UGT2A3: variants seen among roughly 807,000 people sequenced by gnomAD.
UGT2A3 encodes UDP glucuronosyltransferase family 2 member A3.
A neutral mutation model predicts 44.1 loss-of-function variants in UGT2A3; 55 were observed. The ratio of observed to expected loss-of-function variants is 1.25; its 90% confidence interval spans 1.00 to 1.56. The LOEUF (loss-of-function observed/expected upper bound fraction) is 1.56. Among genes scored for constraint, UGT2A3 ranks in the 40% most tolerant of loss-of-function variants. UGT2A3 has a pLI of 0.00. For missense variants in UGT2A3, 733 were observed against 621.6 expected (o/e 1.18, Z -1.91); for synonymous variants, 243 against 215.1 (o/e 1.13, Z -1.13).
At chr4:68,935,321 T>C (rs947852752) in intron 2 of UGT2A3, among the ~76,000 whole-genome samples, 21 of 130,110 alleles carry the variant, frequency 1.6e-4, no homozygotes, top group African/African-American at 5.6e-4. Context: ...TATATATGCA[T>C]AATATATTTG....
chr4:68,940,611 C>T (rs1277544504), intron 2 of UGT2A3, among the ~76,000 whole-genome samples: 1 of 151,466 alleles, frequency 6.6e-6, no homozygotes, highest in Non-Finnish European at 1.5e-5. Context: ...TGAGTTGATG[C>T]ATGCAGCAAA....
intron 2 of UGT2A3, among the ~76,000 whole-genome samples, chr4:68,934,940 T>C (rs896286748): frequency 3.3e-5 from 5 of 151,854 alleles, no homozygotes; most frequent in Admixed American, 1.3e-4. Context: ...AAAAGGCTTC[T>C]ATGGACATGC....
At chr4:68,930,858 C>T in intron 4 of UGT2A3, 93 bp from the exon 5 acceptor site, 1 of 1,112,204 alleles carries the variant, frequency 9.0e-7, no homozygotes. Flanking sequence ...CGAGATAACT[C>T]ACTGAAGCGT....
At chr4:68,943,324 A>C (rs1327019984) in intron 2 of UGT2A3, 1 of 1,272,464 alleles carries the variant, frequency 7.9e-7, no homozygotes, top group Admixed American at 2.5e-5. Context: ...CTGTATTTCT[A>C]TTTTAGATAC....
chr4:68,942,538 T>TAC (rs1553902067), intron 2 of UGT2A3, among the ~76,000 whole-genome samples: 26 of 142,982 alleles, frequency 1.8e-4, no homozygotes, highest in African/African-American at 6.4e-4. Context: ...TATATATATA[T>TAC]ACATTTTCCA....
chr4:68,940,291 A>G (rs754351545), intron 2 of UGT2A3, among the ~76,000 whole-genome samples: 1 of 152,138 alleles, frequency 6.6e-6, no homozygotes, highest in Non-Finnish European at 1.5e-5. Flanking sequence ...AAGACTTGGA[A>G]CCAACCCAAA....
intron 2 of UGT2A3, among the ~76,000 whole-genome samples, chr4:68,941,629 T>C (rs960756912): frequency 5.9e-5 from 9 of 151,882 alleles, no homozygotes; most frequent in Non-Finnish European, 8.8e-5. Context: ...AAAGGAAAAG[T>C]AGATAAACGG....
chr4:68,948,406 G>A (rs1238520185), intron 1 of UGT2A3, among the ~76,000 whole-genome samples: 1 of 146,754 alleles, frequency 6.8e-6, no homozygotes, highest in Non-Finnish European at 1.5e-5. Flanking sequence ...GTGATGTTGT[G>A]GTTGGTTTAA....
intron 2 of UGT2A3, 98 bp from the exon 3 acceptor site, chr4:68,932,857 T>G: frequency 8.1e-7 from 1 of 1,227,988 alleles, no homozygotes; most frequent in Middle Eastern, 2.0e-4. Flanking sequence ...GAGAAATTAT[T>G]AATGTGTAGT....
chr4:68,945,280 A>T lies in UGT2A3; in HGVS notation c.864+26T>A, dbSNP rs202159668. 9.6e-5 allele frequency: 155 copies of T among 1,609,136 alleles called. 1 individual carries two copies. In the East Asian group the frequency reaches 2.9e-3, roughly 30 times the overall value. ...AAACAAGTCATGTCATAAAGTACAT[A>T]ATATTCCTTAATACAATAGTCCTAC... is the stretch of plus-strand genomic sequence containing the variant. On this transcript the variant is annotated intron_variant, in intron 2 of 5. Transcript: ENST00000251566.
intron 1 of UGT2A3, among the ~76,000 whole-genome samples, chr4:68,949,271 G>A (rs1038720255): frequency 3.3e-5 from 5 of 151,788 alleles, no homozygotes; most frequent in Non-Finnish European, 7.4e-5. Context: ...TAAATTGAGA[G>A]ACCTGCTACT....
At chr4:68,948,123 T>C (rs1332189652) in intron 1 of UGT2A3, among the ~76,000 whole-genome samples, 1 of 151,814 alleles carries the variant, frequency 6.6e-6, no homozygotes, top group Non-Finnish European at 1.5e-5. Context: ...GGCATCTTCT[T>C]CCAACAGAAG....
intron 1 of UGT2A3, among the ~76,000 whole-genome samples, chr4:68,950,815 A>T (rs1376804405): frequency 6.6e-6 from 1 of 151,878 alleles, no homozygotes; most frequent in African/African-American, 2.4e-5. Context: ...TTTGGAGGAA[A>T]TACAAAATAT....
rs370379470 is a variant in UGT2A3, at chr4:68,932,802, C to G, written c.865-43G>C. 1.0e-5 allele frequency: 16 copies of G among 1,554,066 alleles called. No homozygotes were observed. The African/African-American group carries it at 1.7e-4, about 16-fold the overall frequency. On this transcript the variant is annotated intron_variant, in intron 2 of 5. Coordinates refer to ENST00000251566, the MANE Select transcript of UGT2A3 (RefSeq NM_024743.4). ...TCTGCATTACAGAGGCATAATATAA[C>G]AAAAATTAAAATAAAGGTTACTTAC...
At position 68,932,744 on chromosome 4, in the gene UGT2A3, C is replaced by T. The variant is rs143255610; in HGVS notation, c.880G>A (p.Val294Ile). 140 of 1,606,060 alleles carry T rather than the reference C, an allele frequency of 8.7e-5. No homozygotes were observed. The African/African-American group carries it at 1.8e-3, about 21-fold the overall frequency. Residue 294 changes from valine (V) to isoleucine (I), a missense_variant, in exon 3 of 6, where the codon GTC becomes ATC. Transcript: ENST00000251566. The part of the protein sequence containing the change: ...KALPKEMENF[V>I]QSSGEDGIVV... ...ATACCATCTTCCCCTGAACTCTGGA[C>T]AAAATTTTCCATTTCCTGAAGATAA...
chr4:68,946,623 A>G (rs1186240214), intron 1 of UGT2A3, among the ~76,000 whole-genome samples: 1 of 151,732 alleles, frequency 6.6e-6, no homozygotes, highest in African/African-American at 2.4e-5. Context: ...AAACAATTGG[A>G]GTCATTCAAT....
chr4:68,940,641 C>A (rs1718148821), intron 2 of UGT2A3, among the ~76,000 whole-genome samples: 1 of 151,184 alleles, frequency 6.6e-6, no homozygotes. Flanking sequence ...CACATGTATA[C>A]CTATGTAACT....
intron 2 of UGT2A3, among the ~76,000 whole-genome samples, chr4:68,934,288 G>A (rs1007642939): frequency 2.0e-5 from 3 of 151,612 alleles, no homozygotes; most frequent in East Asian, 1.9e-4. Context: ...CTACAACAAC[G>A]AACACACACA....
At chr4:68,935,280 A>ATG (rs1175277312) in intron 2 of UGT2A3, among the ~76,000 whole-genome samples, 1 of 65,354 alleles carries the variant, frequency 1.5e-5, no homozygotes, top group African/African-American at 1.0e-4. Context: ...ATGTATGTAT[A>ATG]TATATATATA....
Sources: gnomAD v4.1 joint callset for allele counts (sites outside exome capture counted in the v4.1 genomes callset) on GRCh38, gnomAD v4.1.1 for gene constraint, MANE v1.5 for transcripts, NCBI Gene and HGNC (gene_info 2026-07-23, HGNC 2026-07-21) for gene names.